Variants in USP20 observed in about 807,000 individuals in gnomAD.
USP20 encodes ubiquitin carboxyl-terminal hydrolase 20.
Under a neutral mutation model 124.2 loss-of-function variants are expected in USP20, and 80 were observed. The observed-to-expected ratio is 0.64, with a 90% CI of 0.54 to 0.78. The LOEUF is 0.78. Among genes scored for constraint, USP20 ranks in the 30% least tolerant of loss-of-function variants. The pLI is 0.00. For synonymous variants in USP20, 481 were observed against 512.3 expected (o/e 0.94, Z 0.83); for missense variants, 1,043 against 1,244.4 (o/e 0.84, Z 2.44).
At chr9:129,842,515 A>G (rs1005015721) in intron 1 of USP20, among the ~76,000 whole-genome samples, 1 of 151,958 alleles carries the variant, frequency 6.6e-6, no homozygotes, top group Admixed American at 6.6e-5. Context: ...AGGAAGCAAA[A>G]TGATAACTTT....
chr9:129,853,380 A>G (rs1031726576), intron 3 of USP20, among the ~76,000 whole-genome samples: 3 of 152,178 alleles, frequency 2.0e-5, no homozygotes, highest in African/African-American at 4.8e-5. Flanking sequence ...GCTGCATCAT[A>G]TTTCATCATG....
At chr9:129,870,076 G>C in intron 14 of USP20, 1 of 606,762 alleles carries the variant, frequency 1.6e-6, no homozygotes. Flanking sequence ...TGGACAGCAG[G>C]GAGGTGACCA....
intron 1 of USP20, among the ~76,000 whole-genome samples, chr9:129,844,062 GTC>G (rs2032393314): frequency 6.6e-6 from 1 of 151,664 alleles, no homozygotes; most frequent in Non-Finnish European, 1.5e-5. Flanking sequence ...ATTGAGACTT[GTC>G]TTTAAGCAAA....
chr9:129,859,862 C>G (rs1454754932), intron 6 of USP20, among the ~76,000 whole-genome samples: 9 of 152,030 alleles, frequency 5.9e-5, no homozygotes, highest in Non-Finnish European at 1.0e-4. Context: ...GCGTGAGACC[C>G]TGTCTCTACA....
At chr9:129,880,440 C>A in intron 25 of USP20, 27 bp from the exon 26 acceptor site, 1 of 925,786 alleles carries the variant, frequency 1.1e-6, no homozygotes, top group Non-Finnish European at 1.6e-6. Context: ...GGCCCGGCCC[C>A]ACTGCTGAGT....
intron 11 of USP20, among the ~76,000 whole-genome samples, 192 bp downstream of exon 11, chr9:129,868,641 A>G (rs2033951526): frequency 6.6e-6 from 1 of 152,144 alleles, no homozygotes; most frequent in African/African-American, 2.4e-5. Context: ...CTGGAGCCCA[A>G]TTCAGAGCCC....
intron 21 of USP20, 92 bp downstream of exon 21, chr9:129,875,733 A>AC (rs1351967371): frequency 7.4e-5 from 93 of 1,250,408 alleles, no homozygotes; most frequent in Non-Finnish European, 1.0e-4. Flanking sequence ...TGCCACCAGG[A>AC]CCCCACACCA....
intron 2 of USP20, among the ~76,000 whole-genome samples, chr9:129,850,651 T>TG (rs2032862935): frequency 2.6e-5 from 4 of 151,682 alleles, no homozygotes; most frequent in South Asian, 2.1e-4. Context: ...TTTTTTGTTT[T>TG]TTGTGTGTGT....
At chr9:129,863,331 G>A in intron 9 of USP20, 32 bp downstream of exon 9, 4 of 1,508,008 alleles carry the variant, frequency 2.7e-6, no homozygotes, top group Non-Finnish European at 3.6e-6. Flanking sequence ...CTTGGGCGGT[G>A]TGTGGGGACT....
rs2034497571 is a variant in USP20 at position 129,878,418 on chromosome 9, G to A, written c.2490G>A (p.Ala830=). Residue 830 remains alanine (A), a synonymous_variant, in exon 23 of 26, where the codon GCG becomes GCA. Coordinates refer to ENST00000372429, the MANE Select transcript of USP20 (RefSeq NM_001110303.4). ...TGCAGTGGTTCCGGGAGTGGGAGGC[G>A]TTCGTCAAGGGGAAGGACAACGGTG... The part of the protein sequence containing the change: ...ISMQWFREWE[A]FVKGKDNEPP... 4.3e-6 allele frequency: 7 copies of A among 1,609,422 alleles called. No homozygotes were observed. The highest frequency in any genetic ancestry group is 2.2e-5 in the East Asian group (1 of 44,726).
intron 3 of USP20, among the ~76,000 whole-genome samples, chr9:129,853,025 G>T (rs1052825484): frequency 2.0e-5 from 3 of 152,040 alleles, no homozygotes; most frequent in African/African-American, 7.2e-5. Flanking sequence ...AGGATGTGTT[G>T]CCATCCTTTT....
chr9:129,836,021 G>T (rs1201097687), intron 1 of USP20, among the ~76,000 whole-genome samples: 1 of 152,140 alleles, frequency 6.6e-6, no homozygotes, highest in Non-Finnish European at 1.5e-5. Flanking sequence ...TGAGCCGGGG[G>T]ACTCCTCCTC....
In USP20 at chr9:129,861,574, C is replaced by T. The variant is rs552810603; in HGVS notation, c.459C>T (p.Ser153=). Residue 153 remains serine (S), a synonymous_variant, in exon 8 of 26, where the codon TCC becomes TCT. Transcript: ENST00000372429. ...GLTGMKNLGN[S]CYMNAALQAL... ...CGGGCATGAAGAACCTCGGGAACTC[C>T]TGCTACATGAACGCTGCCCTGCAGG... 10 of 1,614,176 alleles carry T rather than the reference C, an allele frequency of 6.2e-6. No homozygotes were observed. In the African/African-American group the frequency reaches 1.2e-4, roughly 19 times the overall value.
chr9:129,858,209 C>A, intron 5 of USP20, 97 bp downstream of exon 5: 6 of 1,349,842 alleles, frequency 4.4e-6, no homozygotes, highest in Non-Finnish European at 6.3e-6. Context: ...ATGGCTGGGG[C>A]AATAAATGGT....
chr9:129,873,874 G>C, intron 17 of USP20, 130 bp downstream of exon 17: 1 of 1,157,904 alleles, frequency 8.6e-7, no homozygotes, highest in Non-Finnish European at 1.2e-6. Flanking sequence ...AGACTCCATA[G>C]CTTTGGCTGA....
chr9:129,878,900 G>A (rs886673885), intron 23 of USP20, among the ~76,000 whole-genome samples: 3 of 152,226 alleles, frequency 2.0e-5, no homozygotes, highest in East Asian at 1.9e-4. Context: ...TAAAAATTTC[G>A]GCTGGGGCGC....
intron 9 of USP20, among the ~76,000 whole-genome samples, chr9:129,863,573 C>G (rs773880885): frequency 6.6e-6 from 1 of 152,316 alleles, no homozygotes; most frequent in South Asian, 2.1e-4. Context: ...TTGACCCTAC[C>G]GAGCAGCCAC....
chr9:129,865,146 G>A (rs1389751349), intron 9 of USP20, among the ~76,000 whole-genome samples, 157 bp from the exon 10 acceptor site: 50 of 152,204 alleles, frequency 3.3e-4, no homozygotes, highest in Non-Finnish European at 4.4e-5. Flanking sequence ...CTGTAGAGAT[G>A]TGTGAGCCTC....
chr9:129,876,638 CA>C (rs5900872), intron 22 of USP20, among the ~76,000 whole-genome samples: 113,415 of 126,666 alleles, frequency 0.9, 50,898 homozygotes, highest in East Asian at 0.97. Context: ...GACTCCATCT[CA>C]AAAAAAAAAA....
Sources: allele counts gnomAD v4.1 joint callset (sites outside exome capture counted in the v4.1 genomes callset), GRCh38; gene constraint gnomAD v4.1.1; transcripts MANE v1.5; gene names NCBI Gene and HGNC (gene_info 2026-07-23, HGNC 2026-07-21).